RNF43: variants seen among roughly 807,000 people sequenced by gnomAD.
RNF43 encodes ring finger protein 43, also known as E3 ubiquitin-protein ligase RNF43.
A neutral mutation model predicts 78.4 loss-of-function variants in RNF43; 37 were observed. The observed-to-expected ratio is 0.47, with a 90% CI of 0.36 to 0.62. The LOEUF (loss-of-function observed/expected upper bound fraction) is 0.62. Ranked by LOEUF, RNF43 falls within the 20% of genes least tolerant of loss-of-function variation. RNF43 has a pLI of 0.00. For synonymous variants in RNF43, 347 were observed against 395.0 expected (o/e 0.88, Z 1.44); for missense variants, 774 against 1,007.9 (o/e 0.77, Z 3.14).
intron 9 of RNF43, among the ~76,000 whole-genome samples, chr17:58,356,261 G>T (rs1359846784): frequency 2.6e-5 from 4 of 152,166 alleles, no homozygotes. Context: ...ATGAATAAAT[G>T]AATGAATTGG....
chr17:58,402,901 G>A (rs1973834574), intron 2 of RNF43, among the ~76,000 whole-genome samples: 1 of 152,194 alleles, frequency 6.6e-6, no homozygotes, highest in Non-Finnish European at 1.5e-5. Context: ...GTAGAGGAAT[G>A]CAGGGAATGT....
chr17:58,385,975 T>C (rs926429922), intron 2 of RNF43, among the ~76,000 whole-genome samples: 2 of 152,128 alleles, frequency 1.3e-5, no homozygotes, highest in African/African-American at 4.8e-5. Context: ...CTGGGCACAC[T>C]AGCACATGTC....
chr17:58,413,367 A>T (rs1487730200), intron 2 of RNF43, among the ~76,000 whole-genome samples: 1 of 152,190 alleles, frequency 6.6e-6, no homozygotes, highest in East Asian at 1.9e-4. Context: ...CAATAAACCG[A>T]AACCAATATG....
At chr17:58,387,032 C>A (rs555632327) in intron 2 of RNF43, among the ~76,000 whole-genome samples, 313 of 152,244 alleles carry the variant, frequency 2.1e-3, no homozygotes, top group Non-Finnish European at 3.5e-3. Flanking sequence ...AAAAGGCAGT[C>A]AATAAATGTG....
chr17:58,362,106 C>CAA (rs760631552), intron 6 of RNF43, among the ~76,000 whole-genome samples: 2 of 148,386 alleles, frequency 1.3e-5, no homozygotes, highest in Non-Finnish European at 1.5e-5. Context: ...AACAAACAAA[C>CAA]AAACAAAAAA....
At chr17:58,408,060 A>C (rs1267018184) in intron 2 of RNF43, among the ~76,000 whole-genome samples, 1 of 152,212 alleles carries the variant, frequency 6.6e-6, no homozygotes, top group Non-Finnish European at 1.5e-5. Flanking sequence ...AGGTCAGGCC[A>C]CTTTCTTATA....
Position 58,360,688 on chromosome 17 carries a change from A to C in RNF43, c.849+95T>G. 10 of 1,268,260 alleles carry C rather than the reference A, an allele frequency of 7.9e-6. No individual in the cohort carries two copies. The highest frequency in any genetic ancestry group is 1.1e-5 in the Non-Finnish European group (10 of 919,764). 78.6% of individuals were successfully genotyped at this position (1,268,260 alleles called of 1,614,324 possible). ...GGACACATGGGAAACAGATGTAGCC[A>C]GGGTACCCATACCAGCCCCTAGGCC... On this transcript the variant is annotated intron_variant, in intron 7 of 9. Transcript: ENST00000407977. This position sits in a 1 kb window ranked among gnomAD's most constrained non-coding sequence, Gnocchi z 4.3.
chr17:58,398,751 C>T (rs1973735104), intron 2 of RNF43, among the ~76,000 whole-genome samples: 1 of 152,158 alleles, frequency 6.6e-6, no homozygotes, highest in African/African-American at 2.4e-5. Flanking sequence ...AAAAAAGGAA[C>T]CGTGAACATC....
chr17:58,370,065 T>TTTTG (rs1973050575), intron 3 of RNF43, among the ~76,000 whole-genome samples: 1 of 98,020 alleles, frequency 1.0e-5, no homozygotes, highest in Non-Finnish European at 2.3e-5. Context: ...TCTGAGTTTT[T>TTTTG]TTTTTTTTTT....
intron 2 of RNF43, among the ~76,000 whole-genome samples, chr17:58,414,626 A>G (rs1479290661): frequency 1.3e-5 from 2 of 152,264 alleles, no homozygotes; most frequent in Non-Finnish European, 2.9e-5. Context: ...CTTACAGGCA[A>G]AATTCACAGC....
chr17:58,394,142 T>C (rs1973623513), intron 2 of RNF43, among the ~76,000 whole-genome samples: 2 of 152,334 alleles, frequency 1.3e-5, no homozygotes, highest in African/African-American at 4.8e-5. Flanking sequence ...GGGATACCCT[T>C]CTCTCTTGAG....
intron 2 of RNF43, among the ~76,000 whole-genome samples, chr17:58,412,495 AGC>A (rs756189563): frequency 1.3e-5 from 2 of 152,174 alleles, no homozygotes; most frequent in Non-Finnish European, 2.9e-5. Flanking sequence ...GAGAAACCTA[AGC>A]ACAAAGACTG....
At chr17:58,380,111 A>T (rs1973281947) in intron 2 of RNF43, among the ~76,000 whole-genome samples, 1 of 152,146 alleles carries the variant, frequency 6.6e-6, no homozygotes, top group Admixed American at 6.5e-5. Context: ...CAGGTGAGGA[A>T]CTCAGGGCTC....
chr17:58,376,087 C>CTGTG (rs1488004167), intron 2 of RNF43, among the ~76,000 whole-genome samples: 1 of 152,178 alleles, frequency 6.6e-6, no homozygotes, highest in East Asian at 1.9e-4. Context: ...AAGCTGCAGC[C>CTGTG]TGTGCCCCAG....
chr17:58,403,332 T>G (rs1033411010), intron 2 of RNF43, among the ~76,000 whole-genome samples: 1 of 152,192 alleles, frequency 6.6e-6, no homozygotes, highest in Non-Finnish European at 1.5e-5. Flanking sequence ...CCTCCAAACT[T>G]TCTTTGATGT....
At chr17:58,404,760 C>A (rs556029953) in intron 2 of RNF43, among the ~76,000 whole-genome samples, 45 of 152,270 alleles carry the variant, frequency 3.0e-4, no homozygotes, top group East Asian at 2.7e-3. Flanking sequence ...GTATTTATTT[C>A]TTCCCTTATG....
At chr17:58,367,830 A>C (rs1972989156) in intron 3 of RNF43, among the ~76,000 whole-genome samples, 1 of 152,242 alleles carries the variant, frequency 6.6e-6, no homozygotes, top group Non-Finnish European at 1.5e-5. Context: ...CTTGTTAACT[A>C]CAAAAGCACG....
intron 2 of RNF43, among the ~76,000 whole-genome samples, chr17:58,400,387 C>T (rs911376783): frequency 2.6e-5 from 4 of 152,124 alleles, no homozygotes; most frequent in Admixed American, 6.6e-5. Flanking sequence ...AATAGGTTAA[C>T]GGAGTCTAAA....
rs753128596 is a variant in RNF43 at position 58,360,267 on chromosome 17, G to A, written c.850-16C>T. The stretch of plus-strand genomic sequence containing the variant: ...CCCGTAGCTCCTGGAGAAAAAGAGG[G>A]GGTCCAAACCAAAGGCTTCTGTAGC... On this transcript the variant is annotated splice_polypyrimidine_tract_variant and intron_variant, in intron 7 of 9. Coordinates refer to ENST00000407977, the MANE Select transcript of RNF43 (RefSeq NM_017763.6). The surrounding 1 kb of genome is among the most constrained non-coding windows in gnomAD (Gnocchi z 4.3). The A allele has an allele frequency of 6.2e-7, 1 of 1,601,496 alleles. No individual in the cohort carries two copies. The highest frequency in any genetic ancestry group is 1.1e-5 in the South Asian group (1 of 90,842).
Sources: gnomAD v4.1 joint callset for allele counts (sites outside exome capture counted in the v4.1 genomes callset) on GRCh38, gnomAD v4.1.1 for gene constraint, Gnocchi (gnomAD v3.1) non-coding constraint, MANE v1.5 for transcripts, NCBI Gene and HGNC (gene_info 2026-07-23, HGNC 2026-07-21) for gene names.